Variants in PMFBP1 observed in about 807,000 individuals in gnomAD.
PMFBP1 encodes polyamine-modulated factor 1-binding protein 1.
A neutral mutation model predicts 137.8 loss-of-function variants in PMFBP1; 131 were observed. The ratio of observed to expected loss-of-function variants is 0.95; its 90% CI spans 0.82 to 1.10. The LOEUF is 1.10. Ranked by LOEUF, PMFBP1 falls within the 50% of genes least tolerant of loss-of-function variation. The pLI is 0.00. For synonymous variants in PMFBP1, 490 were observed against 450.4 expected (o/e 1.09, Z -1.11); for missense variants, 1,199 against 1,175.4 (o/e 1.02, Z -0.29).
At chr16:72,150,311 G>T (rs1379032667) in intron 5 of PMFBP1, among the ~76,000 whole-genome samples, 2 of 152,244 alleles carry the variant, frequency 1.3e-5, no homozygotes, top group East Asian at 3.9e-4. Flanking sequence ...TCTCAACAAA[G>T]GCTCAGCCAA....
chr16:72,178,393 T>C (rs1321121910), upstream of PMFBP1, among the ~76,000 whole-genome samples: 1 of 152,190 alleles, frequency 6.6e-6, no homozygotes, highest in Non-Finnish European at 1.5e-5. Flanking sequence ...AGTATACAAA[T>C]ATCCTGTTTT....
At chr16:72,201,038 C>T in the PMFBP1 span, among the ~76,000 whole-genome samples, 2 of 152,166 alleles carry the variant, frequency 1.3e-5, no homozygotes, top group Non-Finnish European at 2.9e-5. Flanking sequence ...TTTATTGTTT[C>T]GCAGCCTGAA....
At chr16:72,217,354 A>G in the PMFBP1 span, among the ~76,000 whole-genome samples, 1 of 152,166 alleles carries the variant, frequency 6.6e-6, no homozygotes, top group African/African-American at 2.4e-5. Flanking sequence ...TAGCTGATTG[A>G]TTCTCTCAGA....
the PMFBP1 span, among the ~76,000 whole-genome samples, chr16:72,208,483 T>C: frequency 6.6e-6 from 1 of 152,280 alleles, no homozygotes; most frequent in Non-Finnish European, 1.5e-5. Flanking sequence ...AAATTGAATA[T>C]ATAATTTTCC....
the PMFBP1 span, among the ~76,000 whole-genome samples, chr16:72,222,364 A>G: frequency 1.3e-5 from 2 of 152,140 alleles, no homozygotes; most frequent in Non-Finnish European, 2.9e-5. Flanking sequence ...CCAAGCCTCA[A>G]ACTAGAAAGG....
intron 10 of PMFBP1, among the ~76,000 whole-genome samples, chr16:72,131,666 T>C (rs1597464148): frequency 6.6e-6 from 1 of 151,698 alleles, no homozygotes; most frequent in African/African-American, 2.4e-5. Flanking sequence ...AAGAGAACAA[T>C]GGGGAGGTTT....
At chr16:72,189,282 A>G in the PMFBP1 span, among the ~76,000 whole-genome samples, 6 of 152,210 alleles carry the variant, frequency 3.9e-5, no homozygotes, top group African/African-American at 7.2e-5. Context: ...AACTCACACC[A>G]TCTTGCTCCA....
the PMFBP1 span, among the ~76,000 whole-genome samples, chr16:72,231,766 GT>G: frequency 6.6e-6 from 1 of 152,114 alleles, no homozygotes; most frequent in Non-Finnish European, 1.5e-5. Flanking sequence ...AATTTTCTAA[GT>G]GTTCATTCTT....
intron 5 of PMFBP1, 143 bp downstream of exon 5, chr16:72,150,465 A>G: frequency 1.3e-6 from 1 of 767,290 alleles, no homozygotes; most frequent in Non-Finnish European, 2.2e-6. Flanking sequence ...GAGGTTCAAA[A>G]GCTGAGGGCT....
intron 10 of PMFBP1, among the ~76,000 whole-genome samples, chr16:72,131,976 G>C (rs2042556061): frequency 6.6e-6 from 1 of 152,102 alleles, no homozygotes; most frequent in African/African-American, 2.4e-5. Context: ...CTCCCAAGTA[G>C]CTGGGACTAC....
At chr16:72,140,316 A>G in intron 6 of PMFBP1, 96 bp downstream of exon 6, 1 of 1,306,416 alleles carries the variant, frequency 7.7e-7, no homozygotes, top group Non-Finnish European at 1.1e-6. Context: ...ATTCTCGGCG[A>G]AAAAGATTAA....
At chr16:72,227,115 A>G in the PMFBP1 span, among the ~76,000 whole-genome samples, 1 of 152,166 alleles carries the variant, frequency 6.6e-6, no homozygotes, top group East Asian at 1.9e-4. Flanking sequence ...TATAAAATTT[A>G]GTGTTTTTAG....
chr16:72,228,941 AT>A, the PMFBP1 span, among the ~76,000 whole-genome samples: 1 of 149,898 alleles, frequency 6.7e-6, no homozygotes, highest in African/African-American at 2.5e-5. Flanking sequence ...TGGTGTACAG[AT>A]TATTTTATCA....
chr16:72,140,813 T>G (rs897911816), intron 5 of PMFBP1, among the ~76,000 whole-genome samples: 3 of 152,046 alleles, frequency 2.0e-5, no homozygotes, highest in African/African-American at 7.2e-5. Context: ...CCATCCTAAC[T>G]ATGACTCAGG....
chr16:72,130,445 T>C, intron 11 of PMFBP1, 88 bp from the exon 12 acceptor site: 1 of 1,606,436 alleles, frequency 6.2e-7, no homozygotes, highest in Non-Finnish European at 8.5e-7. Flanking sequence ...ATCCTTGCTC[T>C]CCCACGCCTG....
chr16:72,125,215 C>G, intron 16 of PMFBP1, 23 bp downstream of exon 16: 1 of 1,607,036 alleles, frequency 6.2e-7, no homozygotes, highest in South Asian at 1.1e-5. Context: ...GGAAGGCAGC[C>G]CAAGCCCCTG....
intron 14 of PMFBP1, among the ~76,000 whole-genome samples, chr16:72,126,886 A>G (rs2042468016): frequency 6.6e-6 from 1 of 152,252 alleles, no homozygotes; most frequent in African/African-American, 2.4e-5. Context: ...TTCTGCTTCC[A>G]CAAATTGAAA....
chr16:72,192,046 C>T, the PMFBP1 span, among the ~76,000 whole-genome samples: 3 of 152,206 alleles, frequency 2.0e-5, no homozygotes, highest in African/African-American at 7.2e-5. Context: ...CAATATGTGG[C>T]TTCTAAGTGT....
chr16:72,127,393 C>T (rs868277816), intron 14 of PMFBP1, among the ~76,000 whole-genome samples: 8 of 152,092 alleles, frequency 5.3e-5, no homozygotes, highest in African/African-American at 1.7e-4. Context: ...TTCTGAAAAA[C>T]ATGGAGTCAG....
Sources: gnomAD v4.1 joint callset for allele counts (sites outside exome capture counted in the v4.1 genomes callset) on GRCh38, gnomAD v4.1.1 for gene constraint, MANE v1.5 for transcripts, NCBI Gene and HGNC (gene_info 2026-07-23, HGNC 2026-07-21) for gene names.